NT5C2: variants seen among roughly 807,000 people sequenced by gnomAD.
NT5C2 encodes the protein 5'-nucleotidase, cytosolic II, also known as cytosolic purine 5'-nucleotidase.
NT5C2 carries 58 observed loss-of-function variants against 76.1 expected under a neutral mutation model. That is an observed-to-expected ratio of 0.76 (90% CI 0.62 to 0.95). The LOEUF is 0.95. Ranked by LOEUF, NT5C2 falls within the 40% of genes least tolerant of loss-of-function variation. NT5C2 has a pLI of 0.00. For synonymous variants in NT5C2, 229 were observed against 237.4 expected (o/e 0.96, Z 0.32); for missense variants, 478 against 690.3 (o/e 0.69, Z 3.45).
intron 4 of NT5C2, among the ~76,000 whole-genome samples, chr10:103,138,460 G>A (rs548738877): frequency 4.7e-4 from 72 of 152,164 alleles, no homozygotes; most frequent in Admixed American, 1.2e-3. Context: ...GCCTCAGTGT[G>A]TGATGTTCCC....
At chr10:103,090,003 A>G (rs2066291021) in intron 18 of NT5C2, 95 bp from the exon 19 acceptor site, 3 of 912,508 alleles carry the variant, frequency 3.3e-6, no homozygotes, top group East Asian at 2.6e-5. Context: ...TGGCCATGCA[A>G]TTACATCTAT....
chr10:103,109,960 T>G (rs1268256340), intron 4 of NT5C2, among the ~76,000 whole-genome samples: 1 of 152,200 alleles, frequency 6.6e-6, no homozygotes, highest in Non-Finnish European at 1.5e-5. Context: ...TTCCCAAGTG[T>G]TCAACCGAAG....
chr10:103,125,316 A>T, intron 4 of NT5C2: 1 of 522,966 alleles, frequency 1.9e-6, no homozygotes, highest in Non-Finnish European at 3.5e-6. Flanking sequence ...AAAAAAGACA[A>T]TGACTTTGGA....
At chr10:103,129,876 A>T (rs2077707009) in intron 4 of NT5C2, among the ~76,000 whole-genome samples, 1 of 61,634 alleles carries the variant, frequency 1.6e-5, no homozygotes, top group Non-Finnish European at 2.9e-5. Flanking sequence ...TCCGGGAGGG[A>T]GGTGGGGGTG....
chr10:103,153,880 A>G, intron 3 of NT5C2: 12 of 735,608 alleles, frequency 1.6e-5, no homozygotes, highest in Non-Finnish European at 1.8e-5. Flanking sequence ...GGAGGAACCT[A>G]AAGTATTTCC....
intron 14 of NT5C2, chr10:103,093,628 A>G: frequency 5.5e-6 from 2 of 364,830 alleles, no homozygotes; most frequent in Non-Finnish European, 9.8e-6. Context: ...TCAACTGTTT[A>G]TAACTCCAAC....
At chr10:103,177,615 G>A (rs1000317061) in intron 2 of NT5C2, among the ~76,000 whole-genome samples, 2 of 147,792 alleles carry the variant, frequency 1.4e-5, no homozygotes, top group African/African-American at 5.0e-5. Context: ...CTGAACTCCT[G>A]GACTCAAGTG....
At chr10:103,103,798 ACTTT>A (rs1005023252) in intron 6 of NT5C2, among the ~76,000 whole-genome samples, 1 of 152,116 alleles carries the variant, frequency 6.6e-6, no homozygotes, top group Non-Finnish European at 1.5e-5. Flanking sequence ...AGCTTCGATA[ACTTT>A]CTTTCCCTCT....
At chr10:103,142,673 G>GAA (rs138172222) in intron 3 of NT5C2, among the ~76,000 whole-genome samples, 1 of 150,858 alleles carries the variant, frequency 6.6e-6, no homozygotes, top group Admixed American at 6.6e-5. Flanking sequence ...GTTTCAAAAA[G>GAA]AAAAAAAAGA....
chr10:103,109,987 C>T (rs2072520938), intron 4 of NT5C2, among the ~76,000 whole-genome samples: 1 of 152,126 alleles, frequency 6.6e-6, no homozygotes, highest in South Asian at 2.1e-4. Context: ...TCTAGAAATT[C>T]CACCTATGGA....
At chr10:103,111,275 C>G (rs1590930007) in intron 4 of NT5C2, among the ~76,000 whole-genome samples, 1 of 152,160 alleles carries the variant, frequency 6.6e-6, no homozygotes, top group South Asian at 2.1e-4. Flanking sequence ...CCTAGTTACT[C>G]AATATCGGAA....
At chr10:103,103,218 C>A (rs906498376) in intron 6 of NT5C2, among the ~76,000 whole-genome samples, 5 of 152,304 alleles carry the variant, frequency 3.3e-5, no homozygotes, top group African/African-American at 1.2e-4. Flanking sequence ...TTGTTAACTA[C>A]AAATGGCATA....
At chr10:103,189,995 TTC>T (rs1240263406) in intron 1 of NT5C2, among the ~76,000 whole-genome samples, 1 of 127,612 alleles carries the variant, frequency 7.8e-6, no homozygotes, top group South Asian at 2.4e-4. Flanking sequence ...TTTTGTGGCT[TTC>T]TTTTTTTTTT....
chr10:103,112,966 A>G (rs2073419198), intron 4 of NT5C2, among the ~76,000 whole-genome samples: 1 of 152,192 alleles, frequency 6.6e-6, no homozygotes, highest in African/African-American at 2.4e-5. Flanking sequence ...TTCCAAAACT[A>G]TATGAAAATC....
chr10:103,163,882 A>C (rs903333773), intron 3 of NT5C2, among the ~76,000 whole-genome samples: 1 of 149,874 alleles, frequency 6.7e-6, no homozygotes, highest in Non-Finnish European at 1.5e-5. Context: ...AAAAAAAAAA[A>C]AACCTGGTGG....
chr10:103,130,049 AG>A (rs1221219863), intron 4 of NT5C2, among the ~76,000 whole-genome samples: 1 of 151,506 alleles, frequency 6.6e-6, no homozygotes, highest in Middle Eastern at 3.2e-3. Context: ...CCTGTCTGGG[AG>A]GTGTGCCCAA....
chr10:103,132,551 C>T (rs553133957), intron 4 of NT5C2, among the ~76,000 whole-genome samples: 3 of 148,528 alleles, frequency 2.0e-5, no homozygotes, highest in Admixed American at 2.0e-4. Context: ...AAAGTAATTT[C>T]TTTTTTTTTT....
chr10:103,102,874 T>G (rs1035121985), intron 6 of NT5C2, among the ~76,000 whole-genome samples: 2 of 151,862 alleles, frequency 1.3e-5, no homozygotes, highest in Admixed American at 6.6e-5. Flanking sequence ...CCTTGAGAGA[T>G]AACTGAGATC....
chr10:103,172,796 C>T (rs12414374), intron 3 of NT5C2, among the ~76,000 whole-genome samples: 9 of 152,294 alleles, frequency 5.9e-5, no homozygotes, highest in African/African-American at 2.2e-4. Context: ...GATCGCATCA[C>T]TGCATTCCAG....
Sources: allele counts gnomAD v4.1 joint callset (sites outside exome capture counted in the v4.1 genomes callset), GRCh38; gene constraint gnomAD v4.1.1; transcripts MANE v1.5; gene names NCBI Gene and HGNC (gene_info 2026-07-23, HGNC 2026-07-21).